PRH1: variants seen among roughly 807,000 people sequenced by gnomAD.
The protein encoded by PRH1 is proline rich protein HaeIII subfamily 1, also known as salivary acidic proline-rich phosphoprotein 1/2.
A neutral mutation model predicts 7.9 loss-of-function variants in PRH1; 7 were observed. The ratio of observed to expected loss-of-function variants is 0.89; its 90% CI spans 0.50 to 1.67. The LOEUF (loss-of-function observed/expected upper bound fraction) is 1.67, where lower values mean the gene tolerates loss of function less well. Among genes scored for constraint, PRH1 ranks in the 40% most tolerant of loss-of-function variants. PRH1 has a pLI of 0.00. For synonymous variants in PRH1, 45 were observed against 80.8 expected, an observed-to-expected ratio of 0.56 and a Z score of 2.38; for missense variants, 109 against 223.6, an observed-to-expected ratio of 0.49 and a Z score of 3.27.
Position 10,965,184 on chromosome 12 carries a change from C to G in PRH1, c.-59+8471G>C, listed in dbSNP as rs1182821604. The stretch of plus-strand genomic sequence containing the variant: ...TGTAATAATATTACCCAGAGCAAAC[C>G]AACTCTGGAGACTGCCAGAGCAGTG... On this transcript the variant is annotated intron_variant, in intron 2 of 3. Coordinates refer to the PRH1 transcript ENST00000539853. 49 of 1,486,100 alleles carry G rather than the reference C, an allele frequency of 3.3e-5. 1 individual carries two copies. The Admixed American group carries it at 8.5e-4, about 26-fold the overall frequency. The allele number at this position is 1,486,100 out of a possible 1,614,324, so 92.1% of individuals were successfully genotyped here.
chr12:11,083,349 A>ATT (rs1244016480), intron 1 of PRH1, among the ~76,000 whole-genome samples: 11 of 119,094 alleles, frequency 9.2e-5, no homozygotes, highest in African/African-American at 1.4e-4. Context: ...TCCTTTTTTA[A>ATT]ATTAAAGAAA....
chr12:10,921,726 T>G (rs964882275), intron 2 of PRH1, among the ~76,000 whole-genome samples: 3 of 152,194 alleles, frequency 2.0e-5, no homozygotes, highest in Non-Finnish European at 2.9e-5. Context: ...GCTGAGTCTA[T>G]GACTTGGGAA....
At chr12:11,171,359 G>A in intron 1 of PRH1, 1 of 1,231,712 alleles carries the variant, frequency 8.1e-7, no homozygotes, top group Non-Finnish European at 1.0e-6. Context: ...CCTGGCTCAT[G>A]GCCCCCGCGG....
intron 2 of PRH1, among the ~76,000 whole-genome samples, chr12:10,914,642 T>A (rs1197147889): frequency 6.6e-6 from 1 of 152,194 alleles, no homozygotes; most frequent in Non-Finnish European, 1.5e-5. Flanking sequence ...TCTCCCCTCA[T>A]GGCCTTCTCC....
At chr12:11,103,251 G>A (rs1394837258) in intron 1 of PRH1, among the ~76,000 whole-genome samples, 3 of 151,856 alleles carry the variant, frequency 2.0e-5, no homozygotes, top group Admixed American at 6.6e-5. Context: ...TATGTTTATT[G>A]CAGCACTATT....
chr12:11,060,730 C>T (rs78343121), intron 1 of PRH1, among the ~76,000 whole-genome samples: 15 of 112,670 alleles, frequency 1.3e-4, no homozygotes, highest in East Asian at 2.8e-4. Context: ...TTGAAACTTA[C>T]TCTACATATG....
intron 1 of PRH1, among the ~76,000 whole-genome samples, chr12:11,003,432 G>A (rs1940684577): frequency 6.6e-6 from 1 of 151,996 alleles, no homozygotes; most frequent in East Asian, 1.9e-4. Flanking sequence ...CAGCAATGAA[G>A]ACATTCCCCA....
At chr12:10,959,009 A>G (rs899087380) in intron 2 of PRH1, among the ~76,000 whole-genome samples, 1 of 152,032 alleles carries the variant, frequency 6.6e-6, no homozygotes, top group African/African-American at 2.4e-5. Flanking sequence ...ATAATTAGAA[A>G]CTCATGGCAA....
chr12:10,917,811 G>C (rs960960354), intron 2 of PRH1, among the ~76,000 whole-genome samples: 1 of 152,178 alleles, frequency 6.6e-6, no homozygotes, highest in African/African-American at 2.4e-5. Context: ...GACTGAATTC[G>C]TGTTCATGGA....
chr12:10,903,840 A>G (rs184987226), intron 2 of PRH1, among the ~76,000 whole-genome samples: 1 of 151,520 alleles, frequency 6.6e-6, no homozygotes, highest in East Asian at 1.9e-4. Context: ...CAGGATACAA[A>G]TCAATTCACA....
At position 11,003,544 on chromosome 12, in the gene PRH1, A is replaced by AT. The variant is rs1440403325; in HGVS notation, c.-125-29824_-125-29823insA. On this transcript the variant is annotated intron_variant, in intron 1 of 3. Transcript: ENST00000539853. ...TGTTTCGCTTTACAGTTTTGCCACCAATGTAATAAATTATAAGAATTTATT... is the reference window on the plus strand; with the variant it reads ...TGTTTCGCTTTACAGTTTTGCCACCATATGTAATAAATTATAAGAATTTATT... Among the ~76,000 whole-genome samples, 4 of 152,090 alleles carry AT rather than the reference A, an allele frequency of 2.6e-5. No individual in the cohort carries two copies. In the East Asian group the frequency reaches 7.7e-4, roughly 29 times the overall value.
chr12:11,155,156 G>A (rs894923505), intron 1 of PRH1, among the ~76,000 whole-genome samples: 3 of 152,168 alleles, frequency 2.0e-5, no homozygotes, highest in Non-Finnish European at 2.9e-5. Flanking sequence ...TTTGATTGAA[G>A]GGCTGGATTC....
At chr12:10,911,564 G>T (rs1214549429) in intron 2 of PRH1, among the ~76,000 whole-genome samples, 1 of 152,146 alleles carries the variant, frequency 6.6e-6, no homozygotes, top group East Asian at 1.9e-4. Flanking sequence ...TATTTTTTAA[G>T]TCACTGATGG....
chr12:11,113,763 T>C (rs570211664), intron 1 of PRH1, among the ~76,000 whole-genome samples: 4 of 152,032 alleles, frequency 2.6e-5, no homozygotes, highest in Non-Finnish European at 5.9e-5. Flanking sequence ...GAAACTATCA[T>C]CGGAGTGACA....
rs1944738705 is a variant in PRH1 at position 11,087,268 on chromosome 12, T to C, written n.124-40080A>G. 1.7e-5 allele frequency among the ~76,000 whole-genome samples: 2 copies of C among 116,914 alleles called. 1 individual carries two copies. Among genetic ancestry groups the C allele is most frequent in the Admixed American group, 1.7e-4 (2 of 11,772 alleles). 76.7% of individuals were successfully genotyped at this position (116,914 alleles called of 152,430 possible). ...AGGCATGCACCAACATGCCAGCTAA[T>C]TTTTTAAATTTTTTGTAGAGATGGA... On this transcript the variant is annotated intron_variant and non_coding_transcript_variant, in intron 1 of 4. Coordinates refer to the PRH1 transcript ENST00000541977.
At chr12:11,037,990 C>T (rs1370563434) in intron 1 of PRH1, among the ~76,000 whole-genome samples, 2 of 152,230 alleles carry the variant, frequency 1.3e-5, no homozygotes, top group Non-Finnish European at 2.9e-5. Flanking sequence ...TGCATTGAGC[C>T]AAGATTGCGC....
At chr12:11,110,456 A>G (rs1269335506) in intron 1 of PRH1, among the ~76,000 whole-genome samples, 1 of 152,230 alleles carries the variant, frequency 6.6e-6, no homozygotes, top group Non-Finnish European at 1.5e-5. Context: ...CCATCAGACT[A>G]ACAGCAGATC....
chr12:11,091,884 A>G (rs201210705), intron 1 of PRH1: 90,127 of 1,036,172 alleles, frequency 0.087, 31,555 homozygotes, highest in Admixed American at 0.13. Context: ...AGAAAAATAA[A>G]GTTGGAGAAA....
intron 2 of PRH1, among the ~76,000 whole-genome samples, chr12:10,972,420 T>C (rs946373955): frequency 5.9e-5 from 9 of 152,226 alleles, no homozygotes. Flanking sequence ...ATGAGTTCAA[T>C]GCTGTCTTTA....
Sources: gnomAD v4.1 joint callset for allele counts (sites outside exome capture counted in the v4.1 genomes callset) on GRCh38, gnomAD v4.1.1 for gene constraint, MANE v1.5 for transcripts, NCBI Gene and HGNC (gene_info 2026-07-23, HGNC 2026-07-21) for gene names.